The following MCOLN2 variants were observed in gnomAD, a reference collection of about 807,000 sequenced individuals.
The protein encoded by MCOLN2 is mucolipin-2.
Under a neutral mutation model 67.5 loss-of-function variants are expected in MCOLN2, and 57 were observed. The ratio of observed to expected loss-of-function variants is 0.84; its 90% confidence interval spans 0.68 to 1.05. MCOLN2 has a LOEUF of 1.05. MCOLN2 is among the 50% of genes least tolerant of loss of function. The pLI is 0.00. For missense variants in MCOLN2, 620 were observed against 678.8 expected, an observed-to-expected ratio of 0.91 and a Z score of 0.96; for synonymous variants, 246 against 233.3, an observed-to-expected ratio of 1.05 and a Z score of -0.50.
chr1:84,982,087 T>TA (rs67794449), intron 1 of MCOLN2, among the ~76,000 whole-genome samples: 19 of 148,986 alleles, frequency 1.3e-4, no homozygotes, highest in South Asian at 6.3e-4. Context: ...TTTTTTTTTT[T>TA]AAAAAAAAGA....
At chr1:84,967,454 G>GA (rs779239092) in intron 1 of MCOLN2, among the ~76,000 whole-genome samples, 8 of 152,262 alleles carry the variant, frequency 5.3e-5, no homozygotes, top group African/African-American at 9.6e-5. Context: ...CTGTTTACTG[G>GA]AAATATGTAA....
At chr1:84,942,236 C>T (rs1647828897) in intron 7 of MCOLN2, among the ~76,000 whole-genome samples, 1 of 152,190 alleles carries the variant, frequency 6.6e-6, no homozygotes, top group African/African-American at 2.4e-5. Flanking sequence ...ACCCAGAGCT[C>T]CTTTACTTTC....
chr1:84,949,442 T>C (rs755041301), intron 6 of MCOLN2, among the ~76,000 whole-genome samples: 7 of 151,958 alleles, frequency 4.6e-5, no homozygotes, highest in Non-Finnish European at 7.4e-5. Context: ...ATCAAGACCA[T>C]CCTAGCTAAC....
chr1:84,931,892 G>A (rs1217840476), intron 11 of MCOLN2, among the ~76,000 whole-genome samples: 1 of 152,014 alleles, frequency 6.6e-6, no homozygotes, highest in Non-Finnish European at 1.5e-5. Flanking sequence ...TGGGCATGGT[G>A]ATATGCCTGT....
intron 6 of MCOLN2, among the ~76,000 whole-genome samples, chr1:84,949,747 G>T (rs74671296): frequency 0.042 from 6,385 of 151,958 alleles, 472 homozygotes; most frequent in African/African-American, 0.15. Flanking sequence ...AACCAGGCAG[G>T]CCAGGAGAGA....
intron 1 of MCOLN2, among the ~76,000 whole-genome samples, chr1:84,968,666 T>A (rs1056144230): frequency 5.3e-5 from 8 of 152,236 alleles, no homozygotes; most frequent in African/African-American, 1.9e-4. Flanking sequence ...CCTTAAGGCC[T>A]CATGAGCAGG....
chr1:84,993,507 G>T (rs1650992460), intron 1 of MCOLN2, among the ~76,000 whole-genome samples: 1 of 152,010 alleles, frequency 6.6e-6, no homozygotes, highest in South Asian at 2.1e-4. Context: ...ATTCTTAATG[G>T]CATCCATGAT....
At chr1:84,954,443 C>T (rs1648674497) in intron 4 of MCOLN2, among the ~76,000 whole-genome samples, 1 of 152,196 alleles carries the variant, frequency 6.6e-6, no homozygotes, top group Non-Finnish European at 1.5e-5. Flanking sequence ...TAACTCCATA[C>T]CAGACACTGT....
intron 6 of MCOLN2, among the ~76,000 whole-genome samples, chr1:84,949,867 A>G (rs984821971): frequency 4.6e-5 from 7 of 151,964 alleles, no homozygotes; most frequent in African/African-American, 7.3e-5. Flanking sequence ...AGAAATAAAG[A>G]CCTCCCCAGA....
chr1:84,947,711 T>C (rs1244771023), intron 6 of MCOLN2, among the ~76,000 whole-genome samples: 2 of 152,252 alleles, frequency 1.3e-5, no homozygotes, highest in Non-Finnish European at 2.9e-5. Context: ...TCTTCACCTC[T>C]GTGACCTAAG....
At chr1:84,987,513 T>TCG (rs1650625006) in intron 1 of MCOLN2, among the ~76,000 whole-genome samples, 1 of 58,336 alleles carries the variant, frequency 1.7e-5, no homozygotes, top group Non-Finnish European at 3.6e-5. Flanking sequence ...GATGTATACA[T>TCG]ATGTATATAT....
Position 84,965,660 on chromosome 1 carries a change from C to T in MCOLN2, c.126G>A (p.Arg42=), listed in dbSNP as rs1342587132. The part of the protein sequence containing the change: ...RDSEMKEECL[R]EDLKFYFMSP... ...TCATGAAGTAAAACTTCAGGTCTTC[C>T]CTTAGACATTCTTCTTTCATCTCAG... is the stretch of plus-strand genomic sequence containing the variant. Residue 42 remains arginine (R), a synonymous_variant, in exon 2 of 14, where the codon AGG becomes AGA. Coordinates refer to ENST00000370608, the MANE Select transcript of MCOLN2 (RefSeq NM_153259.4). 3.1e-6 allele frequency: 5 copies of T among 1,613,734 alleles called. No homozygotes were observed. In the African/African-American group the frequency reaches 6.7e-5, roughly 22 times the overall value.
intron 2 of MCOLN2, 111 bp from the exon 3 acceptor site, chr1:84,958,813 A>T: frequency 1.2e-6 from 1 of 820,566 alleles, no homozygotes; most frequent in Non-Finnish European, 1.8e-6. Context: ...AATAATATCA[A>T]TTTTTTTTGG....
At chr1:84,976,464 A>T (rs1031981012) in intron 1 of MCOLN2, among the ~76,000 whole-genome samples, 33 of 152,206 alleles carry the variant, frequency 2.2e-4, no homozygotes, top group African/African-American at 7.7e-4. Context: ...CATGAAAAAG[A>T]AATAAAGATT....
In MCOLN2 at chr1:84,958,696, G is replaced by T; in HGVS notation, c.244C>A (p.Arg82Ser). The T allele has an allele frequency of 6.4e-7, 1 of 1,566,872 alleles. No homozygotes were observed. The highest frequency in any genetic ancestry group is 8.6e-7 in the Non-Finnish European group (1 of 1,162,514). Reference sequence around the variant, plus strand: ...ACCAGCTGGTTACTTAAACCAAAACGAACAAGCTAAAAAATAAAATAAAAT... The same window carrying T: ...ACCAGCTGGTTACTTAAACCAAAACTAACAAGCTAAAAAATAAAATAAAAT... ...KIVMVTTQLVRFGLSNQLVVA... is the reference protein window; with the variant it reads ...KIVMVTTQLVSFGLSNQLVVA... The change falls in exon 3 of 14, where the codon CGT (arginine) becomes AGT (serine). Residue 82 changes from arginine to serine, a missense_variant. Arg to Ser is a moderately radical substitution (Grantham distance 110, BLOSUM62 -1). Coordinates refer to ENST00000370608, the MANE Select transcript of MCOLN2 (RefSeq NM_153259.4).
At chr1:84,975,125 G>A (rs1649933314) in intron 1 of MCOLN2, among the ~76,000 whole-genome samples, 1 of 152,202 alleles carries the variant, frequency 6.6e-6, no homozygotes. Flanking sequence ...GCATCCTGGA[G>A]GGAAGAACAC....
intron 12 of MCOLN2, among the ~76,000 whole-genome samples, chr1:84,930,561 A>G (rs1206177267): frequency 1.3e-5 from 2 of 152,044 alleles, no homozygotes; most frequent in African/African-American, 2.4e-5. Context: ...AGGAGTGTGC[A>G]CCTCTTCCTT....
intron 3 of MCOLN2, 114 bp from the exon 4 acceptor site, chr1:84,956,698 C>T (rs1295495090): frequency 5.0e-6 from 4 of 807,652 alleles, no homozygotes; most frequent in East Asian, 2.9e-5. Flanking sequence ...TCATGGCTCT[C>T]AATAGAACTT....
At chr1:84,959,258 G>A (rs1428909332) in intron 2 of MCOLN2, among the ~76,000 whole-genome samples, 2 of 152,134 alleles carry the variant, frequency 1.3e-5, no homozygotes, top group Admixed American at 6.5e-5. Flanking sequence ...ACACCTGAGA[G>A]TTTCCCTCAC....
Sources: allele counts gnomAD v4.1 joint callset (sites outside exome capture counted in the v4.1 genomes callset), GRCh38; gene constraint gnomAD v4.1.1; transcripts MANE v1.5; gene names NCBI Gene and HGNC (gene_info 2026-07-23, HGNC 2026-07-21).